The following TP63 variants were observed in gnomAD, a reference collection of about 807,000 sequenced individuals.
TP63 encodes tumor protein p63.
In TP63, 17 loss-of-function variants were observed where a neutral mutation model predicts 82.8. The observed-to-expected ratio is 0.21, with a 90% CI of 0.14 to 0.31. TP63 has a LOEUF of 0.31. Ranked by LOEUF, TP63 falls within the 10% of genes least tolerant of loss-of-function variation. TP63 has a pLI of 1.00. For synonymous variants in TP63, 330 were observed against 321.7 expected, an observed-to-expected ratio of 1.03 and a Z score of -0.28; for missense variants, 648 against 895.3, an observed-to-expected ratio of 0.72 and a Z score of 3.52.
At chr3:189,774,440 G>C (rs952200950) in intron 3 of TP63, among the ~76,000 whole-genome samples, 3 of 152,204 alleles carry the variant, frequency 2.0e-5, no homozygotes, top group African/African-American at 7.2e-5. Flanking sequence ...ACTTTTGTGA[G>C]CTGAGAAGTC....
Position 189,631,391 on chromosome 3 carries a change from A to G in TP63, c.-125A>G. 6.4e-7 allele frequency: 1 copy of G among 1,557,702 alleles called. No homozygotes were observed. Among genetic ancestry groups the G allele is most frequent in the Non-Finnish European group, 8.7e-7 (1 of 1,153,072 alleles). On this transcript the variant is annotated 5_prime_UTR_variant, in exon 1 of 14. It removes an upstream start codon present in the reference 5' UTR. Coordinates refer to ENST00000264731, the MANE Select transcript of TP63 (RefSeq NM_003722.5). ...GAAGGAGAGAAGTGCCTAAACTTCT[A>G]TGTCTGATAGCATTTGACCCTATTG...
At chr3:189,610,592 A>G in the TP63 span, among the ~76,000 whole-genome samples, 4 of 152,276 alleles carry the variant, frequency 2.6e-5, no homozygotes, top group Admixed American at 2.6e-4. Flanking sequence ...GTGCAAAGCC[A>G]TTCATCAAGT....
At chr3:189,751,170 T>A (rs1370365309) in intron 3 of TP63, among the ~76,000 whole-genome samples, 1 of 152,222 alleles carries the variant, frequency 6.6e-6, no homozygotes, top group Non-Finnish European at 1.5e-5. Flanking sequence ...TATGGCTGCA[T>A]AGTATTCCAT....
Position 189,840,857 on chromosome 3 carries a change from CA to C in TP63, c.580-23354del, listed in dbSNP as rs58360712. 7.9e-4 allele frequency among the ~76,000 whole-genome samples: 77 copies of C among 97,308 alleles called. 1 individual carries two copies. The highest frequency in any genetic ancestry group is 3.2e-3 in the South Asian group (9 of 2,844). The allele number at this position is 97,308 out of a possible 152,430, so 63.8% of individuals were successfully genotyped here. A position where few individuals can be genotyped will look rare whatever the true frequency, so the allele number is the denominator to read the frequency against. On this transcript the variant is annotated intron_variant, in intron 4 of 13. Transcript: ENST00000264731. Reference sequence around the variant, plus strand: ...GGGCGACAGAGCAAGACTCAGTCTCCAAAAAAAAAAAAAAAAAAAAACAACT... The same window carrying C: ...GGGCGACAGAGCAAGACTCAGTCTCCAAAAAAAAAAAAAAAAAAAACAACT...
At chr3:189,860,445 G>C (rs1716883359) in intron 4 of TP63, among the ~76,000 whole-genome samples, 1 of 152,134 alleles carries the variant, frequency 6.6e-6, no homozygotes, top group African/African-American at 2.4e-5. Flanking sequence ...AGACCAGGGA[G>C]ACTGAACTTA....
At chr3:189,875,385 G>T (rs1009663482) in intron 10 of TP63, among the ~76,000 whole-genome samples, 1 of 151,146 alleles carries the variant, frequency 6.6e-6, no homozygotes, top group South Asian at 2.1e-4. Context: ...GGTCAATATG[G>T]TGAAACCCCG....
At chr3:189,641,823 T>A (rs556928943) in intron 1 of TP63, among the ~76,000 whole-genome samples, 1 of 152,316 alleles carries the variant, frequency 6.6e-6, no homozygotes, top group South Asian at 2.1e-4. Context: ...AAACAAGGTA[T>A]GTAATTTACC....
At chr3:189,737,391 G>C (rs567350956) in intron 1 of TP63, among the ~76,000 whole-genome samples, 115 of 152,282 alleles carry the variant, frequency 7.6e-4, no homozygotes, top group African/African-American at 2.5e-3. Context: ...GGTCAGGCTT[G>C]CTATCAAATT....
intron 10 of TP63, among the ~76,000 whole-genome samples, chr3:189,882,380 G>A (rs1016727353): frequency 2.6e-5 from 4 of 151,864 alleles, no homozygotes; most frequent in African/African-American, 4.8e-5. Flanking sequence ...CAGATAACCC[G>A]GCTAGAGAGA....
chr3:189,599,825 G>A, the TP63 span, among the ~76,000 whole-genome samples: 1 of 152,026 alleles, frequency 6.6e-6, no homozygotes, highest in South Asian at 2.1e-4. Flanking sequence ...AAAATTGTTT[G>A]TTCACCAAAC....
chr3:189,691,205 G>T (rs1033585979), intron 1 of TP63, among the ~76,000 whole-genome samples: 1 of 151,470 alleles, frequency 6.6e-6, no homozygotes, highest in African/African-American at 2.4e-5. Context: ...CGGGCGTGGT[G>T]GTGCACGCCT....
intron 6 of TP63, among the ~76,000 whole-genome samples, chr3:189,867,469 T>C (rs2108803419): frequency 6.6e-6 from 1 of 152,370 alleles, no homozygotes; most frequent in East Asian, 1.9e-4. Context: ...GAAAATATTC[T>C]TGGAGCATTG....
At chr3:189,607,337 C>T in the TP63 span, among the ~76,000 whole-genome samples, 2 of 152,122 alleles carry the variant, frequency 1.3e-5, no homozygotes, top group African/African-American at 4.8e-5. Context: ...GTCATAGAAG[C>T]TGAATGAAGA....
chr3:189,717,697 C>T (rs904760218), intron 1 of TP63, among the ~76,000 whole-genome samples: 1 of 152,176 alleles, frequency 6.6e-6, no homozygotes, highest in Admixed American at 6.5e-5. Context: ...AATGCTTCTG[C>T]AAAATCTGGG....
At chr3:189,680,688 A>G (rs1715832542) in intron 1 of TP63, among the ~76,000 whole-genome samples, 1 of 152,196 alleles carries the variant, frequency 6.6e-6, no homozygotes, top group African/African-American at 2.4e-5. Context: ...ACAGGCCTGT[A>G]TCTTGGTTCT....
the TP63 span, among the ~76,000 whole-genome samples, chr3:189,618,342 A>G: frequency 3.3e-5 from 5 of 152,330 alleles, no homozygotes; most frequent in Admixed American, 2.6e-4. Flanking sequence ...ATTGGGATGA[A>G]CATCCTCAGC....
At chr3:189,883,774 T>G (rs1720165996) in intron 10 of TP63, among the ~76,000 whole-genome samples, 1 of 152,178 alleles carries the variant, frequency 6.6e-6, no homozygotes, top group Non-Finnish European at 1.5e-5. Context: ...TCCATGTTCC[T>G]TCTTTCTTCA....
intron 3 of TP63, among the ~76,000 whole-genome samples, chr3:189,791,741 C>T (rs1386367346): frequency 1.3e-5 from 2 of 152,092 alleles, no homozygotes; most frequent in Admixed American, 6.6e-5. Context: ...CATTCTATTA[C>T]GTACGAACAA....
chr3:189,813,019 C>T (rs1373238333), intron 4 of TP63, among the ~76,000 whole-genome samples: 3 of 152,194 alleles, frequency 2.0e-5, no homozygotes, highest in Non-Finnish European at 4.4e-5. Context: ...GCTGGCTCTG[C>T]TGCTTTCCGA....
Sources: allele counts gnomAD v4.1 joint callset (sites outside exome capture counted in the v4.1 genomes callset), GRCh38; gene constraint gnomAD v4.1.1; transcripts MANE v1.5; gene names NCBI Gene and HGNC (gene_info 2026-07-23, HGNC 2026-07-21).